Variants in PPP2R2D observed in about 807,000 individuals in gnomAD.
PPP2R2D encodes the protein serine/threonine-protein phosphatase 2A 55 kDa regulatory subunit B delta isoform.
In PPP2R2D, 9 loss-of-function variants were observed where a neutral mutation model predicts 31.1. The observed-to-expected ratio is 0.29, with a 90% CI of 0.17 to 0.51. PPP2R2D has a LOEUF of 0.51. PPP2R2D is among the 20% of genes least tolerant of loss of function. The pLI, the probability that PPP2R2D is intolerant of heterozygous loss-of-function variation, is 0.98. For missense variants in PPP2R2D, 391 were observed against 465.6 expected (o/e 0.84, Z 1.48); for synonymous variants, 179 against 172.6 (o/e 1.04, Z -0.29).
At chr10:131,953,556 TTG>T (rs1178686200) in intron 8 of PPP2R2D, among the ~76,000 whole-genome samples, 2 of 125,660 alleles carry the variant, frequency 1.6e-5, no homozygotes, top group East Asian at 2.8e-4. Flanking sequence ...TGACTTGTGG[TTG>T]TGTGTGTGGG....
chr10:131,903,458 C>A (rs997743836), intron 2 of PPP2R2D, among the ~76,000 whole-genome samples: 7 of 123,790 alleles, frequency 5.7e-5, no homozygotes, highest in Non-Finnish European at 9.8e-5. Flanking sequence ...TAGAACAAGG[C>A]TCCATCTCAA....
In PPP2R2D at chr10:131,956,153, C is replaced by A; in HGVS notation, c.*190C>A. ...CCGCCTCGGCGAGGCGCGAGACAGGCGCTGCTGCTCACGTGGAGACGCTCT... is the reference window on the plus strand; with the variant it reads ...CCGCCTCGGCGAGGCGCGAGACAGGAGCTGCTGCTCACGTGGAGACGCTCT... On this transcript the variant is annotated 3_prime_UTR_variant, in exon 9 of 9. Transcript: ENST00000455566. 8.1e-7 allele frequency: 1 copy of A among 1,240,830 alleles called. No individual in the cohort carries two copies. The highest frequency in any genetic ancestry group is 3.2e-5 in the East Asian group (1 of 31,692). The allele number at this position is 1,240,830 out of a possible 1,614,324, so 76.9% of individuals were successfully genotyped here.
Position 131,955,855 on chromosome 10 carries a change from T to C in PPP2R2D, c.1254T>C (p.Ser418=). ...GGAAAGACGAGATCAGTGTGGACAGTCTGGACTTCAACAAGAAGATCCTGC... is the reference window on the plus strand; with the variant it reads ...GGAAAGACGAGATCAGTGTGGACAGCCTGGACTTCAACAAGAAGATCCTGC... ...KRRKDEISVD[S]LDFNKKILHT... The change falls in exon 9 of 9, where the codon AGT becomes AGC. Residue 418 remains serine, a synonymous_variant. Transcript: ENST00000455566. The C allele has an allele frequency of 6.2e-7, 1 of 1,610,210 alleles. No homozygotes were observed. The highest frequency in any genetic ancestry group is 8.5e-7 in the Non-Finnish European group (1 of 1,178,032).
downstream of PPP2R2D, among the ~76,000 whole-genome samples, chr10:131,962,991 C>T (rs782579448): frequency 2.6e-5 from 4 of 152,152 alleles, no homozygotes; most frequent in Non-Finnish European, 5.9e-5. Context: ...AGTGAAACCC[C>T]GTCTCTACTA....
chr10:131,932,183 A>G (rs2036245160), intron 2 of PPP2R2D, among the ~76,000 whole-genome samples: 1 of 152,062 alleles, frequency 6.6e-6, no homozygotes, highest in African/African-American at 2.4e-5. Flanking sequence ...TGAGGATTGC[A>G]CAGCCAGACA....
At chr10:131,912,638 G>A (rs1163355449) in intron 2 of PPP2R2D, 3 of 152,224 alleles carry the variant, frequency 2.0e-5, no homozygotes, top group African/African-American at 4.8e-5. Flanking sequence ...CACATGAGAC[G>A]ATCAAGTATC....
chr10:131,909,853 A>G (rs1174897141), intron 2 of PPP2R2D, among the ~76,000 whole-genome samples: 1 of 152,270 alleles, frequency 6.6e-6, no homozygotes, highest in African/African-American at 2.4e-5. Flanking sequence ...CTTTAAAAGA[A>G]TCTACTACAT....
chr10:131,961,590 G>GT (rs1328700568), downstream of PPP2R2D, among the ~76,000 whole-genome samples: 3 of 152,202 alleles, frequency 2.0e-5, no homozygotes, highest in Admixed American at 6.5e-5. Flanking sequence ...CAGATCTCTG[G>GT]TGACAGTGCG....
chr10:131,940,232 T>C, intron 4 of PPP2R2D, 36 bp downstream of exon 4: 2 of 622,780 alleles, frequency 3.2e-6, no homozygotes, highest in Non-Finnish European at 5.9e-6. Context: ...TTTGATTTAG[T>C]TTTTTATTTT....
chr10:131,942,347 G>A (rs2036457177), intron 5 of PPP2R2D, among the ~76,000 whole-genome samples: 3 of 152,222 alleles, frequency 2.0e-5, no homozygotes, highest in Admixed American at 2.0e-4. Context: ...CCCTACTGAA[G>A]GTGTGTGAGA....
Position 131,910,294 on chromosome 10 carries a change from T to C in PPP2R2D, c.100+8964T>C, listed in dbSNP as rs975340433. Among the ~76,000 whole-genome samples the C allele has an allele frequency of 2.5e-3, 375 of 151,218 alleles. 2 individuals are homozygous for C. The highest frequency in any genetic ancestry group is 8.7e-3 in the African/African-American group (359 of 41,250). On this transcript the variant is annotated intron_variant, in intron 2 of 8. Transcript: ENST00000455566. The stretch of plus-strand genomic sequence containing the variant: ...TTGGAAATATTGTTACATGGAGTTG[T>C]TTTTTTTTCTAAATGTTAACACATT...
rs763031271 is a variant in PPP2R2D, at chr10:131,955,808, G to A, written c.1207G>A (p.Val403Met). 1.2e-6 allele frequency: 2 copies of A among 1,606,638 alleles called. No individual in the cohort carries two copies. The highest frequency in any genetic ancestry group is 1.3e-5 in the African/African-American group (1 of 74,584). ...KPRASLKPRK[V>M]CTGGKRRKDE... ...GCGCGCCAGCCTCAAACCCCGGAAGGTGTGTACGGGGGGTAAGCGGAGGAA... is the reference window on the plus strand; with the variant it reads ...GCGCGCCAGCCTCAAACCCCGGAAGATGTGTACGGGGGGTAAGCGGAGGAA... Residue 403 changes from valine (V) to methionine (M), a missense_variant, in exon 9 of 9, where the codon GTG becomes ATG. Physicochemically the swap from Val to Met is conservative, Grantham distance 21. This residue lies in a region of PPP2R2D where 163 missense variants were observed against 179.5 expected (regional missense o/e 0.91). Coordinates refer to ENST00000455566, the MANE Select transcript of PPP2R2D (RefSeq NM_018461.5).
At chr10:131,938,859 G>A (rs1040769408) in intron 3 of PPP2R2D, among the ~76,000 whole-genome samples, 2 of 152,188 alleles carry the variant, frequency 1.3e-5, no homozygotes, top group Admixed American at 1.3e-4. Flanking sequence ...CTGCCACATC[G>A]CTGTGTCACG....
At chr10:131,926,562 T>C (rs183521874) in intron 2 of PPP2R2D, among the ~76,000 whole-genome samples, 3 of 152,328 alleles carry the variant, frequency 2.0e-5, no homozygotes, top group African/African-American at 7.2e-5. Context: ...GTCTGTCAGT[T>C]TGTCGTATCC....
intron 8 of PPP2R2D, among the ~76,000 whole-genome samples, chr10:131,949,399 A>C (rs1554898523): frequency 6.6e-6 from 1 of 152,226 alleles, no homozygotes; most frequent in Non-Finnish European, 1.5e-5. Context: ...GGCATTGGCA[A>C]ACTCCGTGAG....
intron 2 of PPP2R2D, among the ~76,000 whole-genome samples, chr10:131,901,795 A>C (rs1025365866): frequency 0.73 from 111,194 of 152,058 alleles, 41,147 homozygotes; most frequent in African/African-American, 0.85. Flanking sequence ...GGCCCCCACC[A>C]GGCTCTGCGT....
rs1554891360 is a variant in PPP2R2D, at chr10:131,901,038, G to GCGGCGGCGGCGGCGGCGGCGC, written c.-103_-102insGCGGCGGCGGCGCCGGCGGCG. 71 of 159,034 alleles carry GCGGCGGCGGCGGCGGCGGCGC rather than the reference G, an allele frequency of 4.5e-4. No individual in the cohort carries two copies. Among genetic ancestry groups the GCGGCGGCGGCGGCGGCGGCGC allele is most frequent in the East Asian group, 5.6e-4 (3 of 5,392 alleles). 9.9% of individuals were successfully genotyped at this position (159,034 alleles called of 1,614,324 possible). A position where few individuals can be genotyped will look rare whatever the true frequency, so the allele number is the denominator to read the frequency against. On this transcript the variant is annotated 5_prime_UTR_variant, in exon 1 of 9. Transcript: ENST00000455566. ...TCCCTCCCCGGCGGCGGCGGCGGCG[G>GCGGCGGCGGCGGCGGCGGCGC]CGGCGGCGCCGGCGGTGGTGGCGGC...
In PPP2R2D at chr10:131,958,433, CCT is replaced by C. The variant is rs2036858789; in HGVS notation, c.*2471_*2472del. 1 of 203,104 alleles carries C rather than the reference CCT, an allele frequency of 4.9e-6. No homozygotes were observed. 12.6% of individuals were successfully genotyped at this position (203,104 alleles called of 1,614,324 possible). ...GAGGTGTGTGCTGATCCCCCATCCCCCTGTGGGGATGAAGGTGTGTGCTGATC... is the reference window on the plus strand; with the variant it reads ...GAGGTGTGTGCTGATCCCCCATCCCCGTGGGGATGAAGGTGTGTGCTGATC... On this transcript the variant is annotated 3_prime_UTR_variant, in exon 9 of 9. Coordinates refer to ENST00000455566, the MANE Select transcript of PPP2R2D (RefSeq NM_018461.5).
At chr10:131,954,113 T>C (rs2120028790) in intron 8 of PPP2R2D, among the ~76,000 whole-genome samples, 1 of 152,340 alleles carries the variant, frequency 6.6e-6, no homozygotes, top group African/African-American at 2.4e-5. Flanking sequence ...TCTCTGTCTG[T>C]GCTGTTCCCT....
Sources: gnomAD v4.1 joint callset for allele counts (sites outside exome capture counted in the v4.1 genomes callset) on GRCh38, gnomAD v4.1.1 for gene constraint, gnomAD v4.1.1 regional missense constraint, MANE v1.5 for transcripts, NCBI Gene and HGNC (gene_info 2026-07-23, HGNC 2026-07-21) for gene names.